USP40: variants seen among roughly 807,000 people sequenced by gnomAD.
USP40 encodes the protein ubiquitin carboxyl-terminal hydrolase 40.
A neutral mutation model predicts 166.2 loss-of-function variants in USP40; 143 were observed. The observed-to-expected ratio is 0.86, with a 90% CI of 0.75 to 0.99. The LOEUF is 0.99. Ranked by LOEUF, USP40 falls within the 50% of genes least tolerant of loss-of-function variation. USP40 has a pLI of 0.00. For missense variants in USP40, 1,444 were observed against 1,479.7 expected, an observed-to-expected ratio of 0.98 and a Z score of 0.40; for synonymous variants, 498 against 524.0, an observed-to-expected ratio of 0.95 and a Z score of 0.68.
At position 233,523,220 on chromosome 2, in the gene USP40, C is replaced by T. The variant is rs759505046; in HGVS notation, c.2151G>A (p.Gly717=). Residue 717 remains glycine (G), a synonymous_variant, in exon 16 of 32, where the codon GGG becomes GGA. Coordinates refer to ENST00000678225, the MANE Select transcript of USP40 (RefSeq NM_001365479.2). Reference sequence around the variant, plus strand: ...TTAAAATTGAGCTTCCATTTCTGAGCCCTTGCTCCCTGAACGTCTTCCTCA... The same window carrying T: ...TTAAAATTGAGCTTCCATTTCTGAGTCCTTGCTCCCTGAACGTCTTCCTCA... ...EDMRKTFREQ[G]LRNGSSILIQ... 9 of 1,613,656 alleles carry T rather than the reference C, an allele frequency of 5.6e-6. No individual in the cohort carries two copies. Among genetic ancestry groups the T allele is most frequent in the Non-Finnish European group, 7.6e-6 (9 of 1,179,740 alleles).
At chr2:233,566,586 G>A (rs985676519) in intron 1 of USP40, 98 bp downstream of exon 1, 1 of 705,830 alleles carries the variant, frequency 1.4e-6, no homozygotes. Context: ...GGCAGGCCTG[G>A]GCAGCCTCTC....
chr2:233,527,455 G>A lies in USP40; in HGVS notation c.1677C>T (p.Thr559=), dbSNP rs1334279798. Residue 559 remains threonine, a synonymous_variant, in exon 13 of 32, where the codon ACC becomes ACT. Coordinates refer to ENST00000678225, the MANE Select transcript of USP40 (RefSeq NM_001365479.2). ...CTCCTAAAGTTTTTCTTTTATCAAAGGTCAAATCCCACACGCTTTCTGTTT... is the reference window on the plus strand; with the variant it reads ...CTCCTAAAGTTTTTCTTTTATCAAAAGTCAAATCCCACACGCTTTCTGTTT... The part of the protein sequence containing the change: ...VSQTESVWDL[T]FDKRKTLGDL... 1 of 1,613,706 alleles carries A rather than the reference G, an allele frequency of 6.2e-7. No homozygotes were observed. Among genetic ancestry groups the A allele is most frequent in the Non-Finnish European group, 8.5e-7 (1 of 1,179,810 alleles).
intron 8 of USP40, among the ~76,000 whole-genome samples, chr2:233,548,706 T>C (rs1314082685): frequency 1.3e-5 from 2 of 152,146 alleles, no homozygotes; most frequent in African/African-American, 4.8e-5. Flanking sequence ...TCACGTAAGA[T>C]AACATCCTTG....
intron 6 of USP40, among the ~76,000 whole-genome samples, chr2:233,554,121 T>C (rs947606895): frequency 2.6e-5 from 4 of 152,004 alleles, no homozygotes; most frequent in Non-Finnish European, 5.9e-5. Flanking sequence ...ACAGCAGTAA[T>C]TGCAAAAAGG....
rs2067621088 is a variant in USP40, at chr2:233,521,121, G to T, written c.2202-7C>A. 1 of 1,606,020 alleles carries T rather than the reference G, an allele frequency of 6.2e-7. No homozygotes were observed. On this transcript the variant is annotated splice_region_variant and splice_polypyrimidine_tract_variant and intron_variant, in intron 16 of 31. Coordinates refer to ENST00000678225, the MANE Select transcript of USP40 (RefSeq NM_001365479.2). ...CTCTTCCTTGGTCAACAAGCTGTAGGTAAAAAGAAAAGATCAGAAATTAAT... is the reference window on the plus strand; with the variant it reads ...CTCTTCCTTGGTCAACAAGCTGTAGTTAAAAAGAAAAGATCAGAAATTAAT...
At chr2:233,564,983 T>A (rs2072004482) in intron 2 of USP40, among the ~76,000 whole-genome samples, 1 of 152,198 alleles carries the variant, frequency 6.6e-6, no homozygotes, top group Non-Finnish European at 1.5e-5. Flanking sequence ...GTAGATATAA[T>A]TGGTTGGATA....
intron 17 of USP40, among the ~76,000 whole-genome samples, chr2:233,520,609 A>C (rs1293728084): frequency 6.6e-6 from 1 of 152,178 alleles, no homozygotes; most frequent in Non-Finnish European, 1.5e-5. Flanking sequence ...TTTAAAAAAC[A>C]GAAGTCCACA....
chr2:233,501,777 G>C (rs867110329), intron 21 of USP40, among the ~76,000 whole-genome samples: 1 of 152,224 alleles, frequency 6.6e-6, no homozygotes, highest in Non-Finnish European at 1.5e-5. Flanking sequence ...TTATGTTTCA[G>C]GGAGAATAAG....
chr2:233,481,374 A>G, intron 30 of USP40, 77 bp from the exon 31 acceptor site: 1 of 1,231,956 alleles, frequency 8.1e-7, no homozygotes, highest in East Asian at 2.5e-5. Context: ...ATGTCTAAAA[A>G]ACTACCTATA....
At chr2:233,529,342 T>C in intron 12 of USP40, 89 bp downstream of exon 12, 4 of 1,156,440 alleles carry the variant, frequency 3.5e-6, no homozygotes, top group Non-Finnish European at 4.7e-6. Flanking sequence ...TTTTTTTCTT[T>C]TTAATTTTCA....
intron 20 of USP40, 127 bp from the exon 21 acceptor site, chr2:233,510,262 T>C (rs1480881595): frequency 1.5e-6 from 1 of 659,248 alleles, no homozygotes. Flanking sequence ...TCAATTTATA[T>C]GAAAATACGA....
Position 233,493,290 on chromosome 2 carries a change from T to G in USP40, c.2917+135A>C. On this transcript the variant is annotated intron_variant, in intron 25 of 31. Transcript: ENST00000678225. The surrounding 1 kb of genome is among the most constrained non-coding windows in gnomAD (Gnocchi z 4.7). ...TTATTATGTGATGTCTGGAATGACTTATGAAATTAATAGGTCTTGATTTTC... is the reference window on the plus strand; with the variant it reads ...TTATTATGTGATGTCTGGAATGACTGATGAAATTAATAGGTCTTGATTTTC... The G allele has an allele frequency of 8.0e-7, 1 of 1,254,390 alleles. No individual in the cohort carries two copies. Among genetic ancestry groups the G allele is most frequent in the Non-Finnish European group, 1.1e-6 (1 of 893,978 alleles). 77.7% of individuals were successfully genotyped at this position (1,254,390 alleles called of 1,614,324 possible). A position where few individuals can be genotyped will look rare whatever the true frequency, so the allele number is the denominator to read the frequency against.
intron 20 of USP40, among the ~76,000 whole-genome samples, chr2:233,510,463 A>G (rs2066742455): frequency 8.5e-6 from 1 of 118,108 alleles, no homozygotes; most frequent in Non-Finnish European, 1.6e-5. Flanking sequence ...AGTGCAGTGG[A>G]GCGATCTTGG....
At chr2:233,560,815 G>T in intron 3 of USP40, 1 of 498,214 alleles carries the variant, frequency 2.0e-6, no homozygotes, top group African/African-American at 1.9e-5. Context: ...TTTTGTGTGG[G>T]GTGGAGAGGT....
Position 233,548,889 on chromosome 2 carries a change from G to C in USP40, c.966+212C>G, listed in dbSNP as rs145706212. Reference sequence around the variant, plus strand: ...AGAGAATCTAGGTAAAGGGTATACAGGAGGTGTTTTTACTATTCTGGTAAT... The same window carrying C: ...AGAGAATCTAGGTAAAGGGTATACACGAGGTGTTTTTACTATTCTGGTAAT... On this transcript the variant is annotated intron_variant, in intron 8 of 31. Coordinates refer to ENST00000678225, the MANE Select transcript of USP40 (RefSeq NM_001365479.2). Among the ~76,000 whole-genome samples, 50 of 152,162 alleles carry C rather than the reference G, an allele frequency of 3.3e-4. No homozygotes were observed. The East Asian group carries it at 9.6e-3, about 29-fold the overall frequency.
chr2:233,506,816 TGGAA>T (rs149507350), intron 21 of USP40, among the ~76,000 whole-genome samples: 2,202 of 149,640 alleles, frequency 0.015, 54 homozygotes, highest in African/African-American at 0.052. Flanking sequence ...GAGGCTGAGA[TGGAA>T]GGATCACTTG....
chr2:233,496,228 T>A (rs923895674), intron 24 of USP40, among the ~76,000 whole-genome samples: 2 of 152,190 alleles, frequency 1.3e-5, no homozygotes, highest in Non-Finnish European at 1.5e-5. Flanking sequence ...ATCCTCAGTT[T>A]AAAAGAAACG....
At chr2:233,557,424 C>T (rs905344121) in intron 4 of USP40, among the ~76,000 whole-genome samples, 1 of 152,164 alleles carries the variant, frequency 6.6e-6, no homozygotes, top group Non-Finnish European at 1.5e-5. Flanking sequence ...GAATTATCAA[C>T]AATAGAAAAG....
rs945852118 is a variant in USP40 at position 233,521,103 on chromosome 2, T to C, written c.2213A>G (p.Lys738Arg). 33 of 1,611,364 alleles carry C rather than the reference T, an allele frequency of 2.0e-5. No individual in the cohort carries two copies. The East Asian group carries it at 7.4e-4, about 36-fold the overall frequency. The change falls in exon 17 of 32, where the codon AAG becomes AGG. Residue 738 changes from lysine (K) to arginine (R), a missense_variant. Coordinates refer to ENST00000678225, the MANE Select transcript of USP40 (RefSeq NM_001365479.2). ...CATACTAGTGACCCATTTCTCTTCC[T>C]TGGTCAACAAGCTGTAGGTAAAAAG... The part of the protein sequence containing the change: ...DSHDDNSLLT[K>R]EEKWVTSMNE...
Sources: allele counts gnomAD v4.1 joint callset (sites outside exome capture counted in the v4.1 genomes callset), GRCh38; gene constraint gnomAD v4.1.1; non-coding constraint Gnocchi (gnomAD v3.1); transcripts MANE v1.5; gene names NCBI Gene and HGNC (gene_info 2026-07-23, HGNC 2026-07-21).